The following LIPC variants were observed in gnomAD, a reference collection of about 807,000 sequenced individuals.
LIPC encodes lipase C, hepatic type.
LIPC carries 44 observed loss-of-function variants against 50.7 expected under a neutral mutation model. That is an observed-to-expected ratio of 0.87 (90% CI 0.68 to 1.11). LIPC has a LOEUF of 1.11. Ranked by LOEUF, LIPC falls within the 50% of genes most tolerant of loss-of-function variation. The probability of loss-of-function intolerance (pLI) is 0.00; values close to 1 mark genes in which losing one functional copy is unlikely to be tolerated. For synonymous variants in LIPC, 271 were observed against 256.4 expected, an observed-to-expected ratio of 1.06 and a Z score of -0.54; for missense variants, 697 against 648.2, an observed-to-expected ratio of 1.08 and a Z score of -0.82.
At chr15:58,447,372 G>C (rs1365078517) in intron 1 of LIPC, among the ~76,000 whole-genome samples, 2 of 152,092 alleles carry the variant, frequency 1.3e-5, no homozygotes, top group South Asian at 2.1e-4. Flanking sequence ...GACTGAGAGG[G>C]AGAGCTGCCC....
chr15:58,526,137 G>C (rs1892794441), intron 1 of LIPC, among the ~76,000 whole-genome samples: 1 of 152,154 alleles, frequency 6.6e-6, no homozygotes. Flanking sequence ...CAAATTCCCA[G>C]GCCTCCCAGA....
chr15:58,433,899 A>C (rs549680308), intron 1 of LIPC, among the ~76,000 whole-genome samples: 1 of 152,326 alleles, frequency 6.6e-6, no homozygotes, highest in South Asian at 2.1e-4. Flanking sequence ...TCTTTCTGCA[A>C]TGAGTGAGCC....
intron 1 of LIPC, among the ~76,000 whole-genome samples, chr15:58,492,002 C>CT (rs781478513): frequency 1.3e-5 from 2 of 152,208 alleles, no homozygotes; most frequent in Non-Finnish European, 2.9e-5. Context: ...AGTTGGATAC[C>CT]TTGACATGGT....
At chr15:58,468,114 G>A (rs1166499080) in intron 1 of LIPC, among the ~76,000 whole-genome samples, 1 of 152,110 alleles carries the variant, frequency 6.6e-6, no homozygotes, top group East Asian at 1.9e-4. Context: ...CAATGCTTGG[G>A]GAAAGGCAAA....
chr15:58,554,718 C>T (rs1174486803), intron 6 of LIPC, among the ~76,000 whole-genome samples: 5 of 151,948 alleles, frequency 3.3e-5, no homozygotes, highest in Non-Finnish European at 7.4e-5. Context: ...AACATACAGA[C>T]CTCATCTCTA....
intron 1 of LIPC, among the ~76,000 whole-genome samples, chr15:58,526,782 CT>C (rs1892812021): frequency 6.6e-6 from 1 of 152,216 alleles, no homozygotes; most frequent in South Asian, 2.1e-4. Context: ...ATGCCAACCC[CT>C]GGACTAGATA....
intron 6 of LIPC, among the ~76,000 whole-genome samples, chr15:58,558,487 C>T (rs1458206503): frequency 2.0e-5 from 3 of 152,300 alleles, no homozygotes; most frequent in Middle Eastern, 3.4e-3. Flanking sequence ...CCCCAACCCC[C>T]GAGCTACAGA....
chr15:58,499,339 C>T (rs538969560), intron 1 of LIPC, among the ~76,000 whole-genome samples: 1 of 152,316 alleles, frequency 6.6e-6, no homozygotes, highest in Admixed American at 6.5e-5. Context: ...CAGACTCACA[C>T]ATAGTGGGAA....
chr15:58,569,043 T>A lies in LIPC; in HGVS notation c.*216T>A. 1 of 397,484 alleles carries A rather than the reference T, an allele frequency of 2.5e-6. No homozygotes were observed. The highest frequency in any genetic ancestry group is 4.5e-6 in the Non-Finnish European group (1 of 223,154). 24.6% of individuals were successfully genotyped at this position (397,484 alleles called of 1,614,324 possible). A position where few individuals can be genotyped will look rare whatever the true frequency, so the allele number is the denominator to read the frequency against. ...ATCAGTACAACCAAAAATGTCCCAA[T>A]TTTATCTCTGGTTAAATGTTAATAT... On this transcript the variant is annotated 3_prime_UTR_variant, in exon 9 of 9. Transcript: ENST00000299022.
intron 1 of LIPC, among the ~76,000 whole-genome samples, chr15:58,536,095 T>C (rs1360363068): frequency 2.0e-5 from 3 of 152,038 alleles, no homozygotes; most frequent in Admixed American, 6.6e-5. Context: ...GCAGGGCAAG[T>C]GTATTAGGAT....
At chr15:58,466,505 G>A (rs933865764) in intron 1 of LIPC, among the ~76,000 whole-genome samples, 1 of 152,158 alleles carries the variant, frequency 6.6e-6, no homozygotes, top group Non-Finnish European at 1.5e-5. Flanking sequence ...TGATCTCTAT[G>A]GCTTCTTTAT....
At chr15:58,536,092 A>T (rs544730839) in intron 1 of LIPC, among the ~76,000 whole-genome samples, 1 of 152,300 alleles carries the variant, frequency 6.6e-6, no homozygotes, top group South Asian at 2.1e-4. Context: ...GCTGCAGGGC[A>T]AGTGTATTAG....
intron 1 of LIPC, among the ~76,000 whole-genome samples, chr15:58,471,139 T>C (rs1449865925): frequency 2.8e-5 from 4 of 143,456 alleles, no homozygotes; most frequent in Non-Finnish European, 4.6e-5. Context: ...TTTCTCTTTT[T>C]TTTTTTTTTT....
intron 1 of LIPC, among the ~76,000 whole-genome samples, chr15:58,434,113 C>A (rs1893211543): frequency 6.6e-6 from 1 of 152,114 alleles, no homozygotes; most frequent in African/African-American, 2.4e-5. Context: ...TGCTTCCCTT[C>A]CAGCATCTAG....
chr15:58,545,393 C>T (rs1436820765), intron 4 of LIPC, among the ~76,000 whole-genome samples: 1 of 152,198 alleles, frequency 6.6e-6, no homozygotes, highest in African/African-American at 2.4e-5. Context: ...CACAGGCCAC[C>T]ACATCCACAT....
At chr15:58,481,976 G>A (rs551982824) in intron 1 of LIPC, among the ~76,000 whole-genome samples, 4 of 152,306 alleles carry the variant, frequency 2.6e-5, no homozygotes, top group African/African-American at 7.2e-5. Flanking sequence ...CAATAGCAAC[G>A]GCTGACTTGG....
In LIPC at chr15:58,563,739, A is replaced by C; in HGVS notation, c.1388+16A>C. On this transcript the variant is annotated intron_variant, in intron 8 of 8. Coordinates refer to ENST00000299022, the MANE Select transcript of LIPC (RefSeq NM_000236.3). The stretch of plus-strand genomic sequence containing the variant: ...CCCAGCAAAGGTGACTGCTGATTCA[A>C]TCTCCTATTAACGTCCATTAAGCAC... 1 of 1,605,154 alleles carries C rather than the reference A, an allele frequency of 6.2e-7. No individual in the cohort carries two copies. The highest frequency in any genetic ancestry group is 1.3e-5 in the African/African-American group (1 of 74,788).
At chr15:58,474,686 C>T (rs1158271311) in intron 1 of LIPC, among the ~76,000 whole-genome samples, 2 of 152,148 alleles carry the variant, frequency 1.3e-5, no homozygotes, top group South Asian at 2.1e-4. Context: ...CGTGGAGGTA[C>T]GCAGGATCCC....
At chr15:58,538,304 T>G in intron 1 of LIPC, 29 bp from the exon 2 acceptor site, 1 of 1,612,770 alleles carries the variant, frequency 6.2e-7, no homozygotes, top group South Asian at 1.1e-5. Context: ...GATGCCAGGC[T>G]AAGCACCGTC....
Sources: allele counts gnomAD v4.1 joint callset (sites outside exome capture counted in the v4.1 genomes callset), GRCh38; gene constraint gnomAD v4.1.1; transcripts MANE v1.5; gene names NCBI Gene and HGNC (gene_info 2026-07-23, HGNC 2026-07-21).